IPO7: variants seen among roughly 807,000 people sequenced by gnomAD.
The protein encoded by IPO7 is importin 7, also known as importin-7.
IPO7 carries 13 observed loss-of-function variants against 136.4 expected under a neutral mutation model. That is an observed-to-expected ratio of 0.10 (90% CI 0.06 to 0.15). IPO7 has a LOEUF of 0.15. IPO7 is among the 10% of genes least tolerant of loss of function. The pLI is 1.00. For synonymous variants in IPO7, 403 were observed against 404.4 expected, an observed-to-expected ratio of 1.00 and a Z score of 0.04; for missense variants, 857 against 1,240.6, an observed-to-expected ratio of 0.69 and a Z score of 4.65.
intron 1 of IPO7, among the ~76,000 whole-genome samples, chr11:9,389,622 C>G (rs774665745): frequency 2.0e-5 from 3 of 152,130 alleles, no homozygotes; most frequent in Non-Finnish European, 4.4e-5. Flanking sequence ...TGGATATGAT[C>G]TCCGCATCAA....
chr11:9,406,730 G>A (rs143390616), intron 2 of IPO7, among the ~76,000 whole-genome samples: 313 of 152,076 alleles, frequency 2.1e-3, no homozygotes, highest in African/African-American at 7.2e-3. Context: ...AAAATTAGCC[G>A]GGTGGTAGTG....
At chr11:9,395,288 G>T (rs1854692380) in intron 1 of IPO7, among the ~76,000 whole-genome samples, 1 of 151,976 alleles carries the variant, frequency 6.6e-6, no homozygotes, top group African/African-American at 2.4e-5. Context: ...TTTTCGCCCA[G>T]GCTAGAGTGC....
chr11:9,385,901 G>A (rs999090077), intron 1 of IPO7, among the ~76,000 whole-genome samples: 1 of 152,220 alleles, frequency 6.6e-6, no homozygotes, highest in African/African-American at 2.4e-5. Flanking sequence ...TTTTCTGCCA[G>A]TTAGTAACTG....
chr11:9,430,164 A>G (rs181549214), intron 15 of IPO7, among the ~76,000 whole-genome samples: 42 of 152,156 alleles, frequency 2.8e-4, no homozygotes, highest in Admixed American at 2.3e-3. Flanking sequence ...ACTGCTCCTA[A>G]CAGGCCATGG....
At chr11:9,405,166 C>T (rs949363471) in intron 2 of IPO7, among the ~76,000 whole-genome samples, 2 of 151,798 alleles carry the variant, frequency 1.3e-5, no homozygotes, top group African/African-American at 2.4e-5. Context: ...TTCAGTAGCT[C>T]CATCTTTTTT....
chr11:9,414,681 A>C (rs996804128), intron 5 of IPO7: 3 of 153,878 alleles, frequency 1.9e-5, no homozygotes, highest in Non-Finnish European at 3.5e-5. Flanking sequence ...GCTGGAGTGC[A>C]GTGGCGTGAT....
chr11:9,415,990 A>T (rs1855037679), intron 5 of IPO7, among the ~76,000 whole-genome samples: 1 of 152,170 alleles, frequency 6.6e-6, no homozygotes, highest in Non-Finnish European at 1.5e-5. Context: ...ATCTGCTAAG[A>T]TCATTGGTTC....
rs1240932997 is a variant in IPO7, at chr11:9,404,561, G to A, written c.166+1190G>A. Among the ~76,000 whole-genome samples the A allele has an allele frequency of 2.8e-5, 4 of 140,440 alleles. No homozygotes were observed. In the Admixed American group the frequency reaches 3.2e-4, roughly 11 times the overall value. The allele number at this position is 140,440 out of a possible 152,430, so 92.1% of individuals were successfully genotyped here. A position where few individuals can be genotyped will look rare whatever the true frequency, so the allele number is the denominator to read the frequency against. Reference sequence around the variant, plus strand: ...TTTTCTTTACATAGTTCCGGTCTTCGGATTTTTTTTTTTTTTTTTTTTGAG... The same window carrying A: ...TTTTCTTTACATAGTTCCGGTCTTCAGATTTTTTTTTTTTTTTTTTTTGAG... On this transcript the variant is annotated intron_variant, in intron 2 of 24. Coordinates refer to ENST00000379719, the MANE Select transcript of IPO7 (RefSeq NM_006391.3).
chr11:9,422,018 G>T (rs952116942), intron 8 of IPO7, among the ~76,000 whole-genome samples: 12 of 152,082 alleles, frequency 7.9e-5, no homozygotes, highest in Admixed American at 4.6e-4. Context: ...GGTGGCTCAC[G>T]CCTATAATCC....
chr11:9,392,355 T>G (rs546486345), intron 1 of IPO7: 32 of 273,538 alleles, frequency 1.2e-4, no homozygotes, highest in African/African-American at 6.5e-4. Flanking sequence ...TTTTGTATTT[T>G]TAGTAGAGAC....
Position 9,384,860 on chromosome 11 carries a change from G to A in IPO7, c.84+13G>A, listed in dbSNP as rs1378339830. The A allele has an allele frequency of 6.3e-7, 1 of 1,579,808 alleles. No homozygotes were observed. Among genetic ancestry groups the A allele is most frequent in the Admixed American group, 1.8e-5 (1 of 56,338 alleles). On this transcript the variant is annotated intron_variant, in intron 1 of 24. Transcript: ENST00000379719. ...CCAGCTCAATGAAGTAAGGACGCCC[G>A]GCTAGCGGTGGCGGCGGGCAGGCGG...
Position 9,440,526 on chromosome 11 carries a change from G to T in IPO7, c.2767G>T (p.Ala923Ser), listed in dbSNP as rs375320684. The change falls in exon 23 of 25, where the codon GCT becomes TCT. Residue 923 changes from alanine to serine, a missense_variant. Physicochemically the swap from Ala to Ser is moderately conservative, Grantham distance 99. Coordinates refer to ENST00000379719, the MANE Select transcript of IPO7 (RefSeq NM_006391.3). ...ATATTTGGAGATTCTGGCTAAGCAG[G>T]CTGGTGAAGATGGAGATGATGAAGA... ...QEYLEILAKQ[A>S]GEDGDDEDWE... 7 of 1,613,956 alleles carry T rather than the reference G, an allele frequency of 4.3e-6. No individual in the cohort carries two copies. In the Admixed American group the frequency reaches 8.3e-5, roughly 19 times the overall value.
intron 6 of IPO7, among the ~76,000 whole-genome samples, chr11:9,419,560 ATATATAT>A (rs1392496178): frequency 1.8e-4 from 15 of 81,734 alleles, no homozygotes; most frequent in Middle Eastern, 5.7e-3. Context: ...AAAAAAAAAA[ATATATAT>A]ATATATATAT....
intron 17 of IPO7, 40 bp from the exon 18 acceptor site, chr11:9,433,681 T>C: frequency 6.2e-7 from 1 of 1,613,080 alleles, no homozygotes; most frequent in East Asian, 2.2e-5. Flanking sequence ...CTATTTCACA[T>C]GAGCAAGCAT....
chr11:9,384,793 G>C lies in IPO7; in HGVS notation c.30G>C (p.Leu10=). 2 of 1,607,802 alleles carry C rather than the reference G, an allele frequency of 1.2e-6. No individual in the cohort carries two copies. The highest frequency in any genetic ancestry group is 2.2e-5 in the South Asian group (2 of 89,804). Residue 10 remains leucine (L), a synonymous_variant, in exon 1 of 25, where the codon CTG becomes CTC. Transcript: ENST00000379719. The part of the protein sequence containing the change: MDPNTIIEA[L]RGTMDPALRE... The stretch of plus-strand genomic sequence containing the variant: ...ACCCCAACACCATTATCGAGGCCCT[G>C]CGGGGCACTATGGACCCAGCCCTGC...
intron 1 of IPO7, among the ~76,000 whole-genome samples, chr11:9,392,876 G>A (rs1045172422): frequency 2.7e-5 from 4 of 150,492 alleles, no homozygotes; most frequent in African/African-American, 4.9e-5. Flanking sequence ...TTGAACCTGG[G>A]AGGCAGTGGC....
chr11:9,448,080 A>G lies in IPO7; in HGVS notation c.*2886A>G, dbSNP rs1015007599. The G allele has an allele frequency of 3.3e-5, 5 of 152,252 alleles. No homozygotes were observed. Among genetic ancestry groups the G allele is most frequent in the African/African-American group, 1.2e-4 (5 of 41,478 alleles). 9.4% of individuals were successfully genotyped at this position (152,252 alleles called of 1,614,324 possible). ...GATCTAACACAATGTCTTAAGTATA[A>G]TAGGTAGTCTCTGTTTGTAAAATAA... On this transcript the variant is annotated 3_prime_UTR_variant, in exon 25 of 25. Coordinates refer to ENST00000379719, the MANE Select transcript of IPO7 (RefSeq NM_006391.3).
chr11:9,415,313 ACT>A (rs1369442138), intron 5 of IPO7, among the ~76,000 whole-genome samples: 1 of 149,866 alleles, frequency 6.7e-6, no homozygotes, highest in African/African-American at 2.5e-5. Context: ...CAAGAGCAAA[ACT>A]CTGTCTCAAA....
rs77929916 is a variant in IPO7 at position 9,404,325 on chromosome 11, C to T, written c.166+954C>T. On this transcript the variant is annotated intron_variant, in intron 2 of 24. Coordinates refer to ENST00000379719, the MANE Select transcript of IPO7 (RefSeq NM_006391.3). ...CTAAAAATACAAAGAATTAGCCGGGCGTGGTGGCGGGCGCCTGTAGTCCCA... is the reference window on the plus strand; with the variant it reads ...CTAAAAATACAAAGAATTAGCCGGGTGTGGTGGCGGGCGCCTGTAGTCCCA... 6.7e-3 allele frequency among the ~76,000 whole-genome samples: 1,020 copies of T among 151,350 alleles called. 16 individuals are homozygous for T. Among genetic ancestry groups the T allele is most frequent in the East Asian group, 0.06 (294 of 4,896 alleles).
Sources: allele counts gnomAD v4.1 joint callset (sites outside exome capture counted in the v4.1 genomes callset), GRCh38; gene constraint gnomAD v4.1.1; transcripts MANE v1.5; gene names NCBI Gene and HGNC (gene_info 2026-07-23, HGNC 2026-07-21).